MARCHF1: variants seen among roughly 807,000 people sequenced by gnomAD.
MARCHF1 encodes the protein membrane associated ring-CH-type finger 1.
In MARCHF1, 40 loss-of-function variants were observed where a neutral mutation model predicts 54.2. The observed-to-expected ratio is 0.74, with a 90% confidence interval of 0.57 to 0.96. The LOEUF is 0.96. Among genes scored for constraint, MARCHF1 ranks in the 40% least tolerant of loss-of-function variants. The probability of loss-of-function intolerance (pLI) is 0.00; values close to 1 mark genes in which losing one functional copy is unlikely to be tolerated. For synonymous variants in MARCHF1, 236 were observed against 236.3 expected (o/e 1.00, Z 0.01); for missense variants, 586 against 656.5 (o/e 0.89, Z 1.17).
chr4:163,802,793 T>G (rs1299831497), intron 4 of MARCHF1, among the ~76,000 whole-genome samples: 2 of 152,234 alleles, frequency 1.3e-5, no homozygotes, highest in African/African-American at 4.8e-5. Context: ...TTCTTTCCTG[T>G]GGTGAGAATG....
intron 5 of MARCHF1, among the ~76,000 whole-genome samples, chr4:163,618,740 T>C (rs1741590173): frequency 6.6e-6 from 1 of 152,268 alleles, no homozygotes; most frequent in African/African-American, 2.4e-5. Context: ...GTTTATTACA[T>C]GATAGATAAT....
intron 1 of MARCHF1, chr4:164,196,951 T>A: frequency 6.3e-7 from 1 of 1,596,522 alleles, no homozygotes; most frequent in East Asian, 2.2e-5. Context: ...ACAATAGGAA[T>A]TTTTCAAAAT....
chr4:163,995,872 A>G (rs1056825990), intron 2 of MARCHF1, among the ~76,000 whole-genome samples: 1 of 152,050 alleles, frequency 6.6e-6, no homozygotes, highest in Admixed American at 6.6e-5. Flanking sequence ...TTCTGACCCT[A>G]TTTGATGAGT....
At chr4:164,188,191 T>C (rs1731022967) in intron 1 of MARCHF1, 1 of 161,672 alleles carries the variant, frequency 6.2e-6, no homozygotes, top group African/African-American at 2.4e-5. Flanking sequence ...TTTGGTTGTG[T>C]TTTTTACATA....
At chr4:163,533,701 A>ATT (rs1738438219) in intron 9 of MARCHF1, among the ~76,000 whole-genome samples, 1 of 136,478 alleles carries the variant, frequency 7.3e-6, no homozygotes, top group African/African-American at 2.7e-5. Flanking sequence ...ATATATTTAT[A>ATT]TATATTAGCT....
At chr4:163,790,977 C>G (rs1216194207) in intron 4 of MARCHF1, among the ~76,000 whole-genome samples, 1 of 152,064 alleles carries the variant, frequency 6.6e-6, no homozygotes, top group Non-Finnish European at 1.5e-5. Context: ...TTTCCTTTGA[C>G]ATGTTTTTGA....
chr4:163,537,391 A>C (rs966071885), intron 9 of MARCHF1, among the ~76,000 whole-genome samples: 2 of 152,216 alleles, frequency 1.3e-5, no homozygotes, highest in Non-Finnish European at 2.9e-5. Context: ...TTCCCTGGGG[A>C]TCCTATGTAC....
chr4:163,899,741 A>G (rs1750896098), intron 3 of MARCHF1, among the ~76,000 whole-genome samples: 1 of 137,958 alleles, frequency 7.2e-6, no homozygotes, highest in African/African-American at 2.7e-5. Flanking sequence ...TAACATATTC[A>G]TAAACTCCCA....
At chr4:164,211,328 T>C (rs1731764093) in intron 1 of MARCHF1, among the ~76,000 whole-genome samples, 1 of 48,750 alleles carries the variant, frequency 2.1e-5, no homozygotes. Flanking sequence ...TGTATGTATG[T>C]ATGTATATAT....
At chr4:163,930,520 T>C (rs1175136473) in intron 3 of MARCHF1, among the ~76,000 whole-genome samples, 1 of 149,864 alleles carries the variant, frequency 6.7e-6, no homozygotes, top group Non-Finnish European at 1.5e-5. Context: ...ATTTTATGCC[T>C]CACTTTGGCT....
At chr4:163,963,517 A>G (rs753924901) in intron 3 of MARCHF1, among the ~76,000 whole-genome samples, 4 of 151,940 alleles carry the variant, frequency 2.6e-5, no homozygotes, top group Non-Finnish European at 5.9e-5. Flanking sequence ...AGAGATCATT[A>G]AGGCCAAATA....
intron 1 of MARCHF1, among the ~76,000 whole-genome samples, chr4:164,155,171 G>A (rs1001110344): frequency 6.6e-6 from 1 of 152,210 alleles, no homozygotes; most frequent in Non-Finnish European, 1.5e-5. Context: ...TTTTGGCTGC[G>A]AAAATAGAAA....
At chr4:163,914,752 C>T (rs115924073) in intron 3 of MARCHF1, among the ~76,000 whole-genome samples, 12 of 152,122 alleles carry the variant, frequency 7.9e-5, no homozygotes, top group South Asian at 6.2e-4. Context: ...CTAAAGCTCA[C>T]GTGAAAAACA....
chr4:164,083,523 C>T (rs1379593651), intron 2 of MARCHF1, among the ~76,000 whole-genome samples: 1 of 151,806 alleles, frequency 6.6e-6, no homozygotes, highest in Non-Finnish European at 1.5e-5. Context: ...GGAAAATAGC[C>T]AGACAAAGAA....
chr4:164,268,921 G>A (rs186742148), intron 1 of MARCHF1, among the ~76,000 whole-genome samples: 97 of 152,282 alleles, frequency 6.4e-4, no homozygotes, highest in Non-Finnish European at 1.2e-3. Context: ...GATTGTGGAT[G>A]AGAGTGTAGC....
chr4:163,683,720 T>A (rs960589331), intron 5 of MARCHF1, among the ~76,000 whole-genome samples: 2 of 152,198 alleles, frequency 1.3e-5, no homozygotes, highest in Non-Finnish European at 2.9e-5. Flanking sequence ...GTGTTCGACT[T>A]ATGATAGCTG....
At chr4:163,770,796 G>A (rs185108990) in intron 4 of MARCHF1, among the ~76,000 whole-genome samples, 50 of 152,266 alleles carry the variant, frequency 3.3e-4, no homozygotes, top group Admixed American at 4.6e-4. Flanking sequence ...GATGAGAAAT[G>A]TTAAGAAGAC....
intron 1 of MARCHF1, among the ~76,000 whole-genome samples, chr4:164,275,454 G>C (rs982502111): frequency 6.6e-6 from 1 of 151,460 alleles, no homozygotes; most frequent in Non-Finnish European, 1.5e-5. Context: ...AATAATCCTT[G>C]AGTGGGGGAA....
intron 4 of MARCHF1, among the ~76,000 whole-genome samples, chr4:163,778,714 G>A (rs1747375289): frequency 6.6e-6 from 1 of 152,102 alleles, no homozygotes; most frequent in African/African-American, 2.4e-5. Context: ...GGATGGAATA[G>A]GAGGCCATTA....
Sources: allele counts gnomAD v4.1 joint callset (sites outside exome capture counted in the v4.1 genomes callset), GRCh38; gene constraint gnomAD v4.1.1; transcripts MANE v1.5; gene names NCBI Gene and HGNC (gene_info 2026-07-23, HGNC 2026-07-21).